COL19A1: variants seen among roughly 807,000 people sequenced by gnomAD.
The protein encoded by COL19A1 is collagen alpha-1(XIX) chain.
COL19A1 carries 159 observed loss-of-function variants against 190.2 expected under a neutral mutation model. That is an observed-to-expected ratio of 0.84 (90% confidence interval 0.73 to 0.95). The LOEUF (loss-of-function observed/expected upper bound fraction) is 0.95, where lower values mean the gene tolerates loss of function less well. Among genes scored for constraint, COL19A1 ranks in the 40% least tolerant of loss-of-function variants. COL19A1 has a pLI of 0.00. For missense variants in COL19A1, 1,418 were observed against 1,431.9 expected (o/e 0.99, Z 0.16); for synonymous variants, 509 against 458.9 (o/e 1.11, Z -1.39).
chr6:69,983,072 CT>C (rs1336089050), intron 11 of COL19A1, among the ~76,000 whole-genome samples: 1 of 151,496 alleles, frequency 6.6e-6, no homozygotes, highest in African/African-American at 2.4e-5. Flanking sequence ...ACACAACTTG[CT>C]GAGATTTTGA....
intron 11 of COL19A1, among the ~76,000 whole-genome samples, chr6:69,990,434 G>C (rs540959028): frequency 1.3e-5 from 2 of 151,952 alleles, no homozygotes; most frequent in African/African-American, 4.8e-5. Context: ...CATAATTTTC[G>C]TTAACAATTT....
chr6:70,109,739 A>G (rs1457967370), intron 16 of COL19A1, among the ~76,000 whole-genome samples: 1 of 152,116 alleles, frequency 6.6e-6, no homozygotes, highest in Non-Finnish European at 1.5e-5. Context: ...AAATTGACAA[A>G]GGTTTGATTG....
At chr6:70,180,230 C>A in intron 42 of COL19A1, 82 bp from the exon 43 acceptor site, 2 of 1,516,894 alleles carry the variant, frequency 1.3e-6, no homozygotes, top group Non-Finnish European at 1.8e-6. Context: ...ACTATAAACT[C>A]AATTGGGGTT....
chr6:70,109,552 G>A (rs973681984), intron 16 of COL19A1, among the ~76,000 whole-genome samples: 34 of 148,994 alleles, frequency 2.3e-4, no homozygotes, highest in African/African-American at 7.4e-4. Context: ...GTGTGTGTGT[G>A]TGTGTGTGTG....
intron 11 of COL19A1, among the ~76,000 whole-genome samples, chr6:70,020,267 C>G (rs1778345896): frequency 6.6e-6 from 1 of 151,908 alleles, no homozygotes; most frequent in African/African-American, 2.4e-5. Flanking sequence ...GATATTTTCC[C>G]CCAATTTGTT....
intron 4 of COL19A1, among the ~76,000 whole-genome samples, chr6:69,921,783 TATGTAGATTCGTATATGTATATTC>T (rs1771974069): frequency 6.6e-6 from 1 of 150,532 alleles, no homozygotes; most frequent in Non-Finnish European, 1.5e-5. Context: ...TGTATATTCG[TATGTAGATTCGTATATGTATATTC>T]GTATGTAGAT....
At chr6:69,928,677 G>A (rs560453280) in intron 5 of COL19A1, among the ~76,000 whole-genome samples, 9 of 152,234 alleles carry the variant, frequency 5.9e-5, no homozygotes, top group South Asian at 2.1e-4. Context: ...GCAGCTCATC[G>A]GAATTGGGGG....
At chr6:70,134,463 A>G (rs936369770) in intron 18 of COL19A1, among the ~76,000 whole-genome samples, 2 of 152,240 alleles carry the variant, frequency 1.3e-5, no homozygotes, top group African/African-American at 4.8e-5. Flanking sequence ...TTGCTTCAAA[A>G]GGCACATTGA....
intron 13 of COL19A1, 65 bp downstream of exon 13, chr6:70,034,363 C>T: frequency 8.3e-7 from 1 of 1,199,154 alleles, no homozygotes; most frequent in South Asian, 1.2e-5. Context: ...TATGCAGTGA[C>T]TTCTCATTGA....
chr6:70,169,729 C>T (rs112290396), intron 40 of COL19A1, among the ~76,000 whole-genome samples: 1 of 152,084 alleles, frequency 6.6e-6, no homozygotes, highest in African/African-American at 2.4e-5. Flanking sequence ...CCTATCTTTA[C>T]CTGAAACCAA....
chr6:70,117,416 C>G (rs991298533), intron 16 of COL19A1, among the ~76,000 whole-genome samples: 1 of 152,206 alleles, frequency 6.6e-6, no homozygotes, highest in South Asian at 2.1e-4. Context: ...TTTTACACTA[C>G]GTGTCTGACA....
intron 48 of COL19A1, among the ~76,000 whole-genome samples, chr6:70,196,890 A>G (rs1417400027): frequency 6.6e-6 from 1 of 152,214 alleles, no homozygotes; most frequent in Non-Finnish European, 1.5e-5. Context: ...ATTATAGAGC[A>G]TTAGGGTAGG....
chr6:70,121,942 G>A lies in COL19A1; in HGVS notation c.1341G>A (p.Lys447=), dbSNP rs747166294. The change falls in exon 17 of 51, where the codon AAG becomes AAA. Residue 447 remains lysine, a splice_region_variant and synonymous_variant. Coordinates refer to ENST00000620364, the MANE Select transcript of COL19A1 (RefSeq NM_001858.6). ...GTGGATATTATAACAAGGATAACAAGGTATGGCTTCTTTTTTCCCATAATT... is the reference window on the plus strand; with the variant it reads ...GTGGATATTATAACAAGGATAACAAAGTATGGCTTCTTTTTTCCCATAATT... ...TLGGYYNKDN[K]GNDEHEAGGL... 6.4e-7 allele frequency: 1 copy of A among 1,556,328 alleles called. No individual in the cohort carries two copies. Among genetic ancestry groups the A allele is most frequent in the African/African-American group, 1.4e-5 (1 of 72,082 alleles).
intron 4 of COL19A1, among the ~76,000 whole-genome samples, chr6:69,925,591 A>G (rs1459978087): frequency 1.3e-5 from 2 of 152,084 alleles, no homozygotes; most frequent in Non-Finnish European, 2.9e-5. Flanking sequence ...TTCCATATGA[A>G]CTTTAAAGTA....
rs199819445 is a variant in COL19A1 at position 69,898,962 on chromosome 6, A to G, written c.106A>G (p.Ile36Val). The change falls in exon 3 of 51, where the codon ATC becomes GTC. Residue 36 changes from isoleucine (I) to valine (V), a missense_variant. Physicochemically the swap from Ile to Val is conservative, Grantham distance 29. Coordinates refer to ENST00000620364, the MANE Select transcript of COL19A1 (RefSeq NM_001858.6). ...TTTTTAAATAGAAGAGTCATGCCCTATCCTGAGAATAGAGGGACATCAGCT... is the reference window on the plus strand; with the variant it reads ...TTTTTAAATAGAAGAGTCATGCCCTGTCCTGAGAATAGAGGGACATCAGCT... The part of the protein sequence containing the change: ...VRDKTEESCP[I>V]LRIEGHQLTY... The G allele has an allele frequency of 5.0e-6, 8 of 1,610,286 alleles. No homozygotes were observed. In the East Asian group the frequency reaches 8.9e-5, roughly 18 times the overall value.
chr6:70,127,424 G>GTCTTGGTATA (rs1785267518), intron 17 of COL19A1, among the ~76,000 whole-genome samples: 1 of 152,104 alleles, frequency 6.6e-6, no homozygotes. Context: ...ACATGATGGT[G>GTCTTGGTATA]GGCTGCCTGG....
At chr6:70,140,521 T>C (rs530969316) in intron 19 of COL19A1, among the ~76,000 whole-genome samples, 1 of 152,092 alleles carries the variant, frequency 6.6e-6, no homozygotes, top group South Asian at 2.1e-4. Flanking sequence ...AATGAGTTTG[T>C]ATATTTAAGC....
intron 17 of COL19A1, among the ~76,000 whole-genome samples, chr6:70,129,206 T>C (rs900194149): frequency 1.3e-5 from 2 of 152,138 alleles, no homozygotes; most frequent in African/African-American, 4.8e-5. Flanking sequence ...GAGAAAATTG[T>C]CCAGAAATGG....
rs1301724706 is a variant in COL19A1 at position 70,150,913 on chromosome 6, G to T, written c.2038-484G>T. ...GGTAGCCCAAGTTCCTTCAGTGTTT[G>T]TCTTGCCTATCACTTAAGCCAACTG... is the stretch of plus-strand genomic sequence containing the variant. On this transcript the variant is annotated intron_variant, in intron 30 of 50. Coordinates refer to ENST00000620364, the MANE Select transcript of COL19A1 (RefSeq NM_001858.6). Among the ~76,000 whole-genome samples, 3 of 152,146 alleles carry T rather than the reference G, an allele frequency of 2.0e-5. No individual in the cohort carries two copies. In the East Asian group the frequency reaches 5.8e-4, roughly 29 times the overall value.
Sources: gnomAD v4.1 joint callset for allele counts (sites outside exome capture counted in the v4.1 genomes callset) on GRCh38, gnomAD v4.1.1 for gene constraint, MANE v1.5 for transcripts, NCBI Gene and HGNC (gene_info 2026-07-23, HGNC 2026-07-21) for gene names.